CSMD1: variants seen among roughly 807,000 people sequenced by gnomAD.
The protein encoded by CSMD1 is CUB and sushi domain-containing protein 1.
A neutral mutation model predicts 417.5 loss-of-function variants in CSMD1; 213 were observed. The observed-to-expected ratio is 0.51, with a 90% CI of 0.46 to 0.57. CSMD1 has a LOEUF of 0.57. CSMD1 is among the 20% of genes least tolerant of loss of function. The pLI is 0.00. For missense variants in CSMD1, 6,923 were observed against 4,529.7 expected (o/e 1.53, Z -15.17); for synonymous variants, 2,862 against 1,736.8 (o/e 1.65, Z -16.11).
chr8:3,631,755 C>T (rs1340494896), intron 7 of CSMD1, among the ~76,000 whole-genome samples: 4 of 152,280 alleles, frequency 2.6e-5, no homozygotes, highest in East Asian at 1.9e-4. Flanking sequence ...TTAAATAAAG[C>T]GCTCTCAAAG....
At chr8:4,727,524 T>C (rs1008219323) in intron 1 of CSMD1, among the ~76,000 whole-genome samples, 1 of 152,166 alleles carries the variant, frequency 6.6e-6, no homozygotes, top group Non-Finnish European at 1.5e-5. Context: ...TAATGCCTTC[T>C]GGGTGTGTTT....
At chr8:4,907,484 C>G (rs921186974) in intron 1 of CSMD1, among the ~76,000 whole-genome samples, 2 of 152,004 alleles carry the variant, frequency 1.3e-5, no homozygotes, top group Non-Finnish European at 2.9e-5. Flanking sequence ...TATAAAAATC[C>G]TAAACTCATA....
Position 4,266,538 on chromosome 8 carries a change from G to A in CSMD1, c.415+153415C>T, listed in dbSNP as rs1482910457. On this transcript the variant is annotated intron_variant, in intron 3 of 69. Coordinates refer to ENST00000635120, the MANE Select transcript of CSMD1 (RefSeq NM_033225.6). Reference sequence around the variant, plus strand: ...AAAAGTAGAACAATTTCATACTCATGCCTCATATCCTTCCTTCAGAAAAAC... The same window carrying A: ...AAAAGTAGAACAATTTCATACTCATACCTCATATCCTTCCTTCAGAAAAAC... 7.6e-5 allele frequency among the ~76,000 whole-genome samples: 8 copies of A among 104,782 alleles called. 3 individuals carry two copies. Among genetic ancestry groups the A allele is most frequent in the Non-Finnish European group, 2.1e-4 (8 of 38,876 alleles). 68.7% of individuals were successfully genotyped at this position (104,782 alleles called of 152,430 possible). A position where few individuals can be genotyped will look rare whatever the true frequency, so the allele number is the denominator to read the frequency against.
At chr8:4,974,208 T>C (rs953683019) in intron 1 of CSMD1, among the ~76,000 whole-genome samples, 18 of 150,876 alleles carry the variant, frequency 1.2e-4, no homozygotes, top group Non-Finnish European at 2.7e-4. Context: ...GTATTTTTAA[T>C]AGAGATGAGA....
At chr8:4,708,042 C>T (rs1321344942) in intron 1 of CSMD1, among the ~76,000 whole-genome samples, 1 of 152,088 alleles carries the variant, frequency 6.6e-6, no homozygotes, top group Non-Finnish European at 1.5e-5. Context: ...CTCCTTGGCT[C>T]AAGTGATCCT....
At chr8:4,759,785 G>A (rs942599126) in intron 1 of CSMD1, among the ~76,000 whole-genome samples, 1 of 152,206 alleles carries the variant, frequency 6.6e-6, no homozygotes, top group Non-Finnish European at 1.5e-5. Flanking sequence ...TAGTACATAT[G>A]TACCAGTTTC....
chr8:4,527,861 C>A (rs1468551172), intron 2 of CSMD1, among the ~76,000 whole-genome samples: 1 of 152,248 alleles, frequency 6.6e-6, no homozygotes, highest in African/African-American at 2.4e-5. Context: ...GGAATGACGT[C>A]TTAGTTCTAT....
At chr8:3,769,024 G>C (rs1356376702) in intron 5 of CSMD1, among the ~76,000 whole-genome samples, 2 of 152,262 alleles carry the variant, frequency 1.3e-5, no homozygotes, top group African/African-American at 2.4e-5. Flanking sequence ...GAGGGCGTTA[G>C]TTGCTTTTGG....
At chr8:2,938,864 A>G (rs1256825603) in intron 69 of CSMD1, 120 bp from the exon 70 acceptor site, 6 of 839,832 alleles carry the variant, frequency 7.1e-6, no homozygotes. Flanking sequence ...GGACGTTTGC[A>G]AAGAAGGAAG....
intron 1 of CSMD1, among the ~76,000 whole-genome samples, chr8:4,854,216 A>G (rs1044636486): frequency 6.6e-6 from 1 of 152,154 alleles, no homozygotes; most frequent in Admixed American, 6.5e-5. Context: ...AGGAGTGGAA[A>G]GATATGATTT....
intron 5 of CSMD1, among the ~76,000 whole-genome samples, chr8:3,948,752 AGAT>A (rs1186361641): frequency 6.6e-6 from 1 of 152,210 alleles, no homozygotes; most frequent in African/African-American, 2.4e-5. Flanking sequence ...CAGCTAGAAA[AGAT>A]GAGCATTTCT....
chr8:3,758,819 T>G (rs1249165397), intron 5 of CSMD1, among the ~76,000 whole-genome samples: 1 of 152,138 alleles, frequency 6.6e-6, no homozygotes, highest in Non-Finnish European at 1.5e-5. Flanking sequence ...ATGCGCTTAC[T>G]GAGCTTGGGA....
intron 3 of CSMD1, among the ~76,000 whole-genome samples, chr8:4,224,041 G>T (rs779182539): frequency 6.6e-6 from 1 of 152,024 alleles, no homozygotes; most frequent in African/African-American, 2.4e-5. Flanking sequence ...AACAAAACAT[G>T]CATACGTAAC....
intron 12 of CSMD1, among the ~76,000 whole-genome samples, chr8:3,412,431 G>T (rs908187354): frequency 1.3e-5 from 2 of 152,080 alleles, no homozygotes; most frequent in Non-Finnish European, 2.9e-5. Context: ...ATATAGAAAC[G>T]TTCAGAGGTT....
intron 1 of CSMD1, among the ~76,000 whole-genome samples, chr8:4,713,717 C>T (rs569101272): frequency 1.3e-5 from 2 of 152,286 alleles, no homozygotes; most frequent in African/African-American, 4.8e-5. Context: ...GGCCTCCTCC[C>T]CAAACCCCAA....
chr8:3,853,125 C>A (rs1804028322), intron 5 of CSMD1, among the ~76,000 whole-genome samples: 1 of 152,130 alleles, frequency 6.6e-6, no homozygotes, highest in Admixed American at 6.5e-5. Context: ...GCAGCAGTGG[C>A]AGCAGGTGGC....
chr8:2,974,962 A>G (rs2128935087), intron 55 of CSMD1, among the ~76,000 whole-genome samples: 1 of 152,320 alleles, frequency 6.6e-6, no homozygotes, highest in East Asian at 1.9e-4. Context: ...ACAGTATTAT[A>G]GGAAATTTGC....
chr8:3,641,683 G>C (rs1378660964), intron 7 of CSMD1, among the ~76,000 whole-genome samples: 1 of 152,176 alleles, frequency 6.6e-6, no homozygotes, highest in East Asian at 1.9e-4. Context: ...TGCCCCAACA[G>C]AGGGGGCCAG....
intron 3 of CSMD1, among the ~76,000 whole-genome samples, chr8:4,256,601 G>C (rs1360247781): frequency 7.2e-5 from 11 of 152,116 alleles, no homozygotes; most frequent in Non-Finnish European, 2.9e-5. Context: ...TCACTTTAGA[G>C]AAAACCACCT....
Sources: gnomAD v4.1 joint callset for allele counts (sites outside exome capture counted in the v4.1 genomes callset) on GRCh38, gnomAD v4.1.1 for gene constraint, MANE v1.5 for transcripts, NCBI Gene and HGNC (gene_info 2026-07-23, HGNC 2026-07-21) for gene names.